Variants in DYM observed in about 807,000 individuals in gnomAD.
DYM encodes the protein dymeclin, also known as dyggve-Melchior-Clausen syndrome protein.
DYM carries 78 observed loss-of-function variants against 93.1 expected under a neutral mutation model. That is an observed-to-expected ratio of 0.84 (90% CI 0.70 to 1.01). The LOEUF (loss-of-function observed/expected upper bound fraction) is 1.01. DYM is among the 50% of genes least tolerant of loss of function. The pLI is 0.00. For synonymous variants in DYM, 321 were observed against 319.7 expected, an observed-to-expected ratio of 1.00 and a Z score of -0.04; for missense variants, 789 against 845.0, an observed-to-expected ratio of 0.93 and a Z score of 0.82.
intron 13 of DYM, among the ~76,000 whole-genome samples, chr18:49,221,957 G>A (rs12605250): frequency 0.08 from 11,826 of 148,656 alleles, 744 homozygotes; most frequent in East Asian, 0.31. Context: ...CCTTTATTTG[G>A]TCATTTGGAT....
intron 16 of DYM, among the ~76,000 whole-genome samples, chr18:49,108,117 C>T (rs541696425): frequency 6.6e-6 from 1 of 152,224 alleles, no homozygotes; most frequent in Admixed American, 6.5e-5. Context: ...GGATGCCCCT[C>T]CCCCAGCCTC....
intron 6 of DYM, among the ~76,000 whole-genome samples, chr18:49,348,155 GA>G (rs1252042495): frequency 5.9e-5 from 9 of 151,906 alleles, no homozygotes; most frequent in Non-Finnish European, 1.0e-4. Context: ...GAATACAGAG[GA>G]AAAAAACATC....
At chr18:49,434,478 C>T (rs142451584) in intron 1 of DYM, among the ~76,000 whole-genome samples, 1 of 152,046 alleles carries the variant, frequency 6.6e-6, no homozygotes, top group African/African-American at 2.4e-5. Flanking sequence ...CAAGACTGCA[C>T]CATTGCATTC....
chr18:49,091,284 T>C (rs2079027410), intron 17 of DYM, among the ~76,000 whole-genome samples: 1 of 152,056 alleles, frequency 6.6e-6, no homozygotes, highest in African/African-American at 2.4e-5. Context: ...AGGATAATAA[T>C]AAATAATTAT....
chr18:49,297,261 A>C (rs1198455610), intron 8 of DYM, among the ~76,000 whole-genome samples: 1 of 152,264 alleles, frequency 6.6e-6, no homozygotes, highest in African/African-American at 2.4e-5. Context: ...ATTAGTTGTC[A>C]TAAAAATGAA....
chr18:49,183,771 G>A (rs1172306470), intron 14 of DYM, among the ~76,000 whole-genome samples: 1 of 152,224 alleles, frequency 6.6e-6, no homozygotes, highest in East Asian at 1.9e-4. Flanking sequence ...AATTTCCTAT[G>A]TTGAAGCCCT....
chr18:49,332,387 C>A (rs541615833), intron 7 of DYM, among the ~76,000 whole-genome samples: 6 of 152,310 alleles, frequency 3.9e-5, no homozygotes, highest in African/African-American at 7.2e-5. Flanking sequence ...CAGGCGTGAG[C>A]CACCGTGCCC....
chr18:49,043,801 G>A lies in DYM; in HGVS notation c.*254C>T. On this transcript the variant is annotated 3_prime_UTR_variant, in exon 18 of 18. Coordinates refer to ENST00000675505, the MANE Select transcript of DYM (RefSeq NM_001353214.3). ...TTTTGGCTTCGAAATAAAACTGCAT[G>A]TTGAATAGCAGGTTTTTACATTTAT... 2.0e-6 allele frequency: 1 copy of A among 502,700 alleles called. No homozygotes were observed. Among genetic ancestry groups the A allele is most frequent in the Non-Finnish European group, 3.6e-6 (1 of 279,556 alleles). 31.1% of individuals were successfully genotyped at this position (502,700 alleles called of 1,614,324 possible).
chr18:49,080,745 C>T (rs1361941566), intron 17 of DYM, among the ~76,000 whole-genome samples: 24 of 136,114 alleles, frequency 1.8e-4, no homozygotes, highest in African/African-American at 5.6e-4. Flanking sequence ...ACTTCTCAGA[C>T]GGGGCAGCTC....
chr18:49,350,433 C>T (rs954693561), intron 6 of DYM, among the ~76,000 whole-genome samples: 4 of 152,066 alleles, frequency 2.6e-5, no homozygotes, highest in East Asian at 3.9e-4. Flanking sequence ...TTTGGCTGAG[C>T]GCAGTGGCTT....
At chr18:49,231,533 T>C (rs1310781886) in intron 13 of DYM, among the ~76,000 whole-genome samples, 3 of 152,216 alleles carry the variant, frequency 2.0e-5, no homozygotes, top group Non-Finnish European at 4.4e-5. Flanking sequence ...GCTTAAGTTC[T>C]CTTAGGTCTT....
chr18:49,096,793 A>T (rs2079587490), intron 17 of DYM, among the ~76,000 whole-genome samples: 7 of 152,120 alleles, frequency 4.6e-5, no homozygotes. Flanking sequence ...ATCTCTTTCC[A>T]CTATTACATC....
chr18:49,310,407 T>G (rs1473217232), intron 8 of DYM, among the ~76,000 whole-genome samples: 1 of 152,192 alleles, frequency 6.6e-6, no homozygotes, highest in African/African-American at 2.4e-5. Flanking sequence ...GTATAAAACA[T>G]GAGTAACTGC....
chr18:49,287,021 T>A (rs2059710786), intron 8 of DYM, among the ~76,000 whole-genome samples: 1 of 152,010 alleles, frequency 6.6e-6, no homozygotes, highest in South Asian at 2.1e-4. Flanking sequence ...TGAAACCCCA[T>A]CTCTACTAAA....
chr18:49,043,953 A>G lies in DYM; in HGVS notation c.*102T>C. The G allele has an allele frequency of 7.2e-7, 1 of 1,380,492 alleles. No homozygotes were observed. The highest frequency in any genetic ancestry group is 1.0e-6 in the Non-Finnish European group (1 of 989,108). 85.5% of individuals were successfully genotyped at this position (1,380,492 alleles called of 1,614,324 possible). Reference sequence around the variant, plus strand: ...CACTCGTGCAATCCTCTTTAACAGAAGATACACCAAGTAACCTGTCTGTCT... The same window carrying G: ...CACTCGTGCAATCCTCTTTAACAGAGGATACACCAAGTAACCTGTCTGTCT... On this transcript the variant is annotated 3_prime_UTR_variant, in exon 18 of 18. Transcript: ENST00000675505.
Position 49,286,426 on chromosome 18 carries a change from C to A in DYM, c.946+8G>T. 2 of 1,613,952 alleles carry A rather than the reference C, an allele frequency of 1.2e-6. No homozygotes were observed. Among genetic ancestry groups the A allele is most frequent in the South Asian group, 2.2e-5 (2 of 91,072 alleles). On this transcript the variant is annotated splice_region_variant and intron_variant, in intron 9 of 17. Coordinates refer to ENST00000675505, the MANE Select transcript of DYM (RefSeq NM_001353214.3). ...TACAAAGAATATTAGAGAAAAAATACCACAAACCTTGTGTGTTCTTGAAGG... is the reference window on the plus strand; with the variant it reads ...TACAAAGAATATTAGAGAAAAAATAACACAAACCTTGTGTGTTCTTGAAGG...
intron 13 of DYM, among the ~76,000 whole-genome samples, chr18:49,211,297 A>T (rs1276303200): frequency 1.3e-5 from 2 of 152,194 alleles, no homozygotes; most frequent in Non-Finnish European, 2.9e-5. Flanking sequence ...AATAAGAATT[A>T]TTACTATTAT....
intron 6 of DYM, among the ~76,000 whole-genome samples, chr18:49,358,959 A>G (rs2065795358): frequency 6.6e-6 from 1 of 152,222 alleles, no homozygotes; most frequent in Non-Finnish European, 1.5e-5. Context: ...ATGGGTCTAT[A>G]CGGCATCACT....
At chr18:49,397,943 G>A (rs747269794) in intron 2 of DYM, among the ~76,000 whole-genome samples, 2 of 152,118 alleles carry the variant, frequency 1.3e-5, no homozygotes, top group Non-Finnish European at 2.9e-5. Context: ...AATTACAAAT[G>A]TGGCTTATCT....
Sources: gnomAD v4.1 joint callset for allele counts (sites outside exome capture counted in the v4.1 genomes callset) on GRCh38, gnomAD v4.1.1 for gene constraint, MANE v1.5 for transcripts, NCBI Gene and HGNC (gene_info 2026-07-23, HGNC 2026-07-21) for gene names.